The following JPT2 variants were observed in gnomAD, a reference collection of about 807,000 sequenced individuals.
JPT2 encodes Jupiter microtubule associated homolog 2, also known as CRAMP_1 like.
A neutral mutation model predicts 15.9 loss-of-function variants in JPT2; 9 were observed. That is an observed-to-expected ratio of 0.57 (90% CI 0.34 to 0.99). The LOEUF (loss-of-function observed/expected upper bound fraction) is 0.99, where lower values mean the gene tolerates loss of function less well. Ranked by LOEUF, JPT2 falls within the 50% of genes least tolerant of loss-of-function variation. The pLI, the probability that JPT2 is intolerant of heterozygous loss-of-function variation, is 0.02. For synonymous variants in JPT2, 95 were observed against 91.7 expected (o/e 1.04, Z -0.21); for missense variants, 267 against 252.1 (o/e 1.06, Z -0.40).
intron 3 of JPT2, among the ~76,000 whole-genome samples, chr16:1,693,511 A>G (rs1490014062): frequency 6.6e-6 from 1 of 152,140 alleles, no homozygotes; most frequent in Non-Finnish European, 1.5e-5. Flanking sequence ...CAATTCCTCT[A>G]CTACGTAAAG....
chr16:1,699,196 G>A lies in JPT2; in HGVS notation c.*198G>A, dbSNP rs1484244111. On this transcript the variant is annotated 3_prime_UTR_variant, in exon 5 of 5. Transcript: ENST00000248098. ...CAGATGGCTGGGAGATGCCTCTGTG[G>A]GGATGAAATGGGGCACCCCTGGCCA... The A allele has an allele frequency of 5.7e-6, 4 of 701,328 alleles. No homozygotes were observed. In the African/African-American group the frequency reaches 7.0e-5, roughly 12 times the overall value. The allele number at this position is 701,328 out of a possible 1,614,324, so 43.4% of individuals were successfully genotyped here.
At chr16:1,692,775 C>T (rs1176586569) in intron 3 of JPT2, among the ~76,000 whole-genome samples, 1 of 152,236 alleles carries the variant, frequency 6.6e-6, no homozygotes, top group East Asian at 1.9e-4. Context: ...ATTCACTTTT[C>T]TACCTTTTTT....
intron 3 of JPT2, among the ~76,000 whole-genome samples, chr16:1,696,800 G>A (rs1253040732): frequency 6.6e-6 from 1 of 152,186 alleles, no homozygotes; most frequent in Admixed American, 6.5e-5. Context: ...CTGTTCGGAT[G>A]GTGTGATGTA....
chr16:1,702,681 C>T (rs2037187164), downstream of JPT2, among the ~76,000 whole-genome samples: 1 of 152,178 alleles, frequency 6.6e-6, no homozygotes, highest in Non-Finnish European at 1.5e-5. Flanking sequence ...ATAATCCTGA[C>T]CATCTTGAAG....
chr16:1,690,826 T>C (rs549762381), intron 2 of JPT2, among the ~76,000 whole-genome samples: 1 of 152,318 alleles, frequency 6.6e-6, no homozygotes, highest in East Asian at 1.9e-4. Flanking sequence ...GCATAGAAAA[T>C]AGAGTTGACA....
chr16:1,680,445 A>G, intron 1 of JPT2: 1 of 1,226,168 alleles, frequency 8.2e-7, no homozygotes, highest in East Asian at 6.4e-5. Flanking sequence ...AAGGGAGAAA[A>G]CTCTTCCTTT....
chr16:1,699,095 A>T lies in JPT2; in HGVS notation c.*97A>T, dbSNP rs889898115. Reference sequence around the variant, plus strand: ...TTGCCCAAATGAGCGGGGTGGGAAGAGGGTTAGTCTTATGTGAGCCTGGCT... The same window carrying T: ...TTGCCCAAATGAGCGGGGTGGGAAGTGGGTTAGTCTTATGTGAGCCTGGCT... On this transcript the variant is annotated 3_prime_UTR_variant, in exon 5 of 5. Coordinates refer to ENST00000248098, the MANE Select transcript of JPT2 (RefSeq NM_144570.3). 1.5e-6 allele frequency: 2 copies of T among 1,304,362 alleles called. No individual in the cohort carries two copies. Among genetic ancestry groups the T allele is most frequent in the Non-Finnish European group, 2.2e-6 (2 of 913,358 alleles). The allele number at this position is 1,304,362 out of a possible 1,614,324, so 80.8% of individuals were successfully genotyped here.
intron 2 of JPT2, chr16:1,690,204 G>A (rs1436479631): frequency 6.6e-6 from 1 of 152,198 alleles, no homozygotes; most frequent in African/African-American, 2.4e-5. Flanking sequence ...GTCTGAAGAC[G>A]AGCAGGTGCA....
intron 1 of JPT2, among the ~76,000 whole-genome samples, chr16:1,680,056 C>T (rs1445407940): frequency 6.6e-6 from 1 of 152,210 alleles, no homozygotes; most frequent in African/African-American, 2.4e-5. Flanking sequence ...AAGACTCCGT[C>T]TCAAAGAAAC....
At chr16:1,692,448 C>T (rs1436805472) in intron 3 of JPT2, 2 of 175,606 alleles carry the variant, frequency 1.1e-5, no homozygotes, top group Non-Finnish European at 2.5e-5. Context: ...TTGACTGAAG[C>T]GTAGCTGACG....
At chr16:1,679,920 G>C (rs1364119106) in intron 1 of JPT2, among the ~76,000 whole-genome samples, 2 of 151,976 alleles carry the variant, frequency 1.3e-5, no homozygotes, top group East Asian at 1.9e-4. Flanking sequence ...AGCCGGGTGT[G>C]GGGTGGCGGG....
intron 2 of JPT2, among the ~76,000 whole-genome samples, chr16:1,690,813 A>G (rs1024703999): frequency 6.6e-6 from 1 of 152,260 alleles, no homozygotes; most frequent in Admixed American, 6.5e-5. Context: ...CCTCTTTATC[A>G]TTGCATAGAA....
chr16:1,681,350 C>T (rs2037021706), intron 1 of JPT2, among the ~76,000 whole-genome samples: 1 of 152,192 alleles, frequency 6.6e-6, no homozygotes, highest in African/African-American at 2.4e-5. Flanking sequence ...GGGGCTGGGC[C>T]TGTGTGCGCC....
Position 1,699,773 on chromosome 16 carries a change from C to A in JPT2, c.*775C>A. ...TCCTCTCATCAGCCTTAAGTTTAGG[C>A]GTTTGTTGTTCTCCAGTGATGTAGA... On this transcript the variant is annotated 3_prime_UTR_variant, in exon 5 of 5. Transcript: ENST00000248098. 1 of 232,566 alleles carries A rather than the reference C, an allele frequency of 4.3e-6. No homozygotes were observed. The highest frequency in any genetic ancestry group is 5.8e-5 in the South Asian group (1 of 17,122). 14.4% of individuals were successfully genotyped at this position (232,566 alleles called of 1,614,324 possible). A position where few individuals can be genotyped will look rare whatever the true frequency, so the allele number is the denominator to read the frequency against.
chr16:1,678,375 G>C lies in JPT2; in HGVS notation c.44+19G>C, dbSNP rs986506447. 13 of 1,229,622 alleles carry C rather than the reference G, an allele frequency of 1.1e-5. No homozygotes were observed. The East Asian group carries it at 3.8e-4, about 36-fold the overall frequency. 76.2% of individuals were successfully genotyped at this position (1,229,622 alleles called of 1,614,324 possible). A position where few individuals can be genotyped will look rare whatever the true frequency, so the allele number is the denominator to read the frequency against. The stretch of plus-strand genomic sequence containing the variant: ...GCTCCAGGTGCGGCGCGGGGCACAC[G>C]GGAGGCGGGCGGATAGCGCGACCAC... On this transcript the variant is annotated intron_variant, in intron 1 of 4. Coordinates refer to ENST00000248098, the MANE Select transcript of JPT2 (RefSeq NM_144570.3).
At chr16:1,684,576 A>G (rs999743679) in intron 1 of JPT2, among the ~76,000 whole-genome samples, 1 of 152,142 alleles carries the variant, frequency 6.6e-6, no homozygotes, top group Non-Finnish European at 1.5e-5. Context: ...CCCCGTCTCT[A>G]CTAAAAATAC....
chr16:1,686,059 C>G (rs1315929437), intron 2 of JPT2: 1 of 154,598 alleles, frequency 6.5e-6, no homozygotes, highest in Admixed American at 6.4e-5. Context: ...CTAGTGGTTA[C>G]AGTAGGAGGG....
At chr16:1,683,167 G>A (rs1233490983) in intron 1 of JPT2, among the ~76,000 whole-genome samples, 2 of 151,872 alleles carry the variant, frequency 1.3e-5, no homozygotes, top group Non-Finnish European at 2.9e-5. Context: ...TAGTAGAGAC[G>A]GGATTTCACC....
chr16:1,685,042 T>A (rs1377407992), intron 1 of JPT2, among the ~76,000 whole-genome samples: 1 of 152,036 alleles, frequency 6.6e-6, no homozygotes, highest in Non-Finnish European at 1.5e-5. Flanking sequence ...AAGAAAATAC[T>A]TTTGCTGGGT....
Sources: allele counts gnomAD v4.1 joint callset (sites outside exome capture counted in the v4.1 genomes callset), GRCh38; gene constraint gnomAD v4.1.1; transcripts MANE v1.5; gene names NCBI Gene and HGNC (gene_info 2026-07-23, HGNC 2026-07-21).